Variants in NT5C2 observed in about 807,000 individuals in gnomAD.
NT5C2 encodes 5'-nucleotidase, cytosolic II.
A neutral mutation model predicts 76.1 loss-of-function variants in NT5C2; 58 were observed. The ratio of observed to expected loss-of-function variants is 0.76; its 90% CI spans 0.62 to 0.95. The LOEUF is 0.95. NT5C2 is among the 40% of genes least tolerant of loss of function. The probability of loss-of-function intolerance (pLI) is 0.00; values close to 1 mark genes in which losing one functional copy is unlikely to be tolerated. For synonymous variants in NT5C2, 229 were observed against 237.4 expected, an observed-to-expected ratio of 0.96 and a Z score of 0.32; for missense variants, 478 against 690.3, an observed-to-expected ratio of 0.69 and a Z score of 3.45.
chr10:103,089,498 A>G lies in NT5C2; in HGVS notation c.*174T>C, dbSNP rs1223687028. On this transcript the variant is annotated 3_prime_UTR_variant, in exon 19 of 19. Coordinates refer to ENST00000404739, the MANE Select transcript of NT5C2 (RefSeq NM_001351169.2). The stretch of plus-strand genomic sequence containing the variant: ...TTTGGACCATCTGCAGAGAGTACAG[A>G]TACACAAAACCAAAACAAGTATCTA... The G allele has an allele frequency of 8.2e-7, 1 of 1,218,250 alleles. No individual in the cohort carries two copies. Among genetic ancestry groups the G allele is most frequent in the East Asian group, 2.7e-5 (1 of 37,528 alleles). The allele number at this position is 1,218,250 out of a possible 1,614,324, so 75.5% of individuals were successfully genotyped here. A position where few individuals can be genotyped will look rare whatever the true frequency, so the allele number is the denominator to read the frequency against.
chr10:103,096,124 C>T, intron 11 of NT5C2, 144 bp from the exon 12 acceptor site: 1 of 634,612 alleles, frequency 1.6e-6, no homozygotes, highest in Non-Finnish European at 2.8e-6. Context: ...TTTATGAAAT[C>T]ATGGCAGTGG....
chr10:103,177,263 G>A (rs565481541), intron 2 of NT5C2, among the ~76,000 whole-genome samples: 1 of 152,158 alleles, frequency 6.6e-6, no homozygotes, highest in Non-Finnish European at 1.5e-5. Context: ...CATCTAATTA[G>A]GATAAGCATC....
At chr10:103,097,977 G>A in intron 10 of NT5C2, 1 of 514,138 alleles carries the variant, frequency 1.9e-6, no homozygotes, top group South Asian at 1.5e-5. Flanking sequence ...TCCCCATTCA[G>A]TGTTCTTTCT....
At chr10:103,100,177 C>A (rs548481700) in intron 8 of NT5C2, among the ~76,000 whole-genome samples, 158 bp from the exon 9 acceptor site, 2 of 152,106 alleles carry the variant, frequency 1.3e-5, no homozygotes, top group African/African-American at 4.8e-5. Flanking sequence ...TCCACTTTGA[C>A]CACCAGAAAT....
intron 14 of NT5C2, 88 bp downstream of exon 14, chr10:103,093,882 AGT>A (rs749771609): frequency 1.1e-6 from 1 of 947,030 alleles, no homozygotes; most frequent in Non-Finnish European, 1.7e-6. Context: ...ACTACTAAAC[AGT>A]ATATGTGGCA....
At chr10:103,123,562 G>GT (rs2076105033) in intron 4 of NT5C2, among the ~76,000 whole-genome samples, 1 of 152,114 alleles carries the variant, frequency 6.6e-6, no homozygotes. Context: ...GCAGGCTGTG[G>GT]TAAGGATTAA....
At chr10:103,148,349 T>A (rs1202287005) in intron 3 of NT5C2, among the ~76,000 whole-genome samples, 1 of 152,208 alleles carries the variant, frequency 6.6e-6, no homozygotes, top group African/African-American at 2.4e-5. Flanking sequence ...ACGCCTGTAA[T>A]CCCAGCACTT....
At chr10:103,138,041 A>G (rs1196028843) in intron 4 of NT5C2, among the ~76,000 whole-genome samples, 1 of 152,226 alleles carries the variant, frequency 6.6e-6, no homozygotes, top group African/African-American at 2.4e-5. Context: ...ATGGTACCCA[A>G]TGCCCCACAT....
intron 3 of NT5C2, among the ~76,000 whole-genome samples, chr10:103,155,284 T>C (rs1591545573): frequency 6.6e-6 from 1 of 152,190 alleles, no homozygotes; most frequent in Admixed American, 6.5e-5. Context: ...GTCTTAGAGA[T>C]AGGATGAGAT....
chr10:103,175,684 T>G lies in NT5C2; in HGVS notation c.-24-702A>C, dbSNP rs2089714482. On this transcript the variant is annotated intron_variant, in intron 2 of 18. Transcript: ENST00000404739. ...GCAATGAAGACTTATCTCCCAAGGGTGAAGGAGTGTTGCCTCTGTGAACAG... is the reference window on the plus strand; with the variant it reads ...GCAATGAAGACTTATCTCCCAAGGGGGAAGGAGTGTTGCCTCTGTGAACAG... 3 of 235,558 alleles carry G rather than the reference T, an allele frequency of 1.3e-5. No homozygotes were observed. In the South Asian group the frequency reaches 2.4e-4, roughly 19 times the overall value. The allele number at this position is 235,558 out of a possible 1,614,324, so 14.6% of individuals were successfully genotyped here.
chr10:103,139,257 CA>C, intron 4 of NT5C2, 148 bp downstream of exon 4: 1 of 498,454 alleles, frequency 2.0e-6, no homozygotes, highest in Non-Finnish European at 3.6e-6. Flanking sequence ...TCAATATTCA[CA>C]AATCTTACTG....
chr10:103,164,281 C>T (rs1050589962), intron 3 of NT5C2, among the ~76,000 whole-genome samples: 5 of 151,798 alleles, frequency 3.3e-5, no homozygotes, highest in Admixed American at 6.6e-5. Flanking sequence ...TATTTTGAGA[C>T]GGAGTCTCAC....
At chr10:103,159,589 C>T (rs941111737) in intron 3 of NT5C2, among the ~76,000 whole-genome samples, 2 of 149,900 alleles carry the variant, frequency 1.3e-5, no homozygotes, top group African/African-American at 4.9e-5. Flanking sequence ...TTCAGGGTTA[C>T]AGTGAGCTAT....
chr10:103,095,605 C>T (rs1395064016), intron 12 of NT5C2, among the ~76,000 whole-genome samples: 1 of 152,210 alleles, frequency 6.6e-6, no homozygotes. Flanking sequence ...TCATCCACAA[C>T]CTGAAAATTC....
intron 15 of NT5C2, among the ~76,000 whole-genome samples, chr10:103,092,406 AGGTAGGT>A (rs2067164102): frequency 6.6e-6 from 1 of 152,162 alleles, no homozygotes. Context: ...CAGCTTTAGG[AGGTAGGT>A]ATTATCCCCA....
chr10:103,111,236 T>G (rs557825156), intron 4 of NT5C2, among the ~76,000 whole-genome samples: 114 of 152,328 alleles, frequency 7.5e-4, no homozygotes, highest in Non-Finnish European at 1.2e-3. Flanking sequence ...TCTGCTTATT[T>G]CTTCTCCCAG....
At chr10:103,173,904 T>C (rs528252661) in intron 3 of NT5C2, among the ~76,000 whole-genome samples, 1 of 152,148 alleles carries the variant, frequency 6.6e-6, no homozygotes, top group Non-Finnish European at 1.5e-5. Flanking sequence ...AAGACCAGCC[T>C]GGCTAACACG....
intron 4 of NT5C2, among the ~76,000 whole-genome samples, chr10:103,126,267 C>T (rs973084066): frequency 1.3e-5 from 2 of 152,112 alleles, no homozygotes. Flanking sequence ...GTGCAAAGAA[C>T]GTCGCTAAAG....
intron 1 of NT5C2, among the ~76,000 whole-genome samples, chr10:103,185,180 G>C (rs187092788): frequency 2.3e-3 from 350 of 152,206 alleles, no homozygotes; most frequent in African/African-American, 8.0e-3. Flanking sequence ...GAACAAGAGA[G>C]CATGTAAGGA....
Sources: gnomAD v4.1 joint callset for allele counts (sites outside exome capture counted in the v4.1 genomes callset) on GRCh38, gnomAD v4.1.1 for gene constraint, MANE v1.5 for transcripts, NCBI Gene and HGNC (gene_info 2026-07-23, HGNC 2026-07-21) for gene names.